Variants in TUNAR observed in about 807,000 individuals in gnomAD.
The protein encoded by TUNAR is protein TUNAR.
exon 3 of TUNAR, chr14:95,923,585 G>A (rs984334046): frequency 3.3e-5 from 5 of 152,010 alleles, no homozygotes; most frequent in African/African-American, 1.2e-4. Flanking sequence ...CCAAATACTT[G>A]GAGAGGCACT....
chr14:95,923,878 A>G (rs1870583299), exon 3 of TUNAR: 1 of 152,154 alleles, frequency 6.6e-6, no homozygotes, highest in African/African-American at 2.4e-5. Flanking sequence ...CAGACCTTAG[A>G]TGCACCCTAT....
At chr14:95,886,748 C>G (rs1889083913) in intron 2 of TUNAR, among the ~76,000 whole-genome samples, 1 of 152,228 alleles carries the variant, frequency 6.6e-6, no homozygotes, top group Non-Finnish European at 1.5e-5. Flanking sequence ...TGAAATCACT[C>G]TGGAGTCGGT....
intron 2 of TUNAR, among the ~76,000 whole-genome samples, chr14:95,883,680 G>A (rs903880007): frequency 6.6e-6 from 1 of 152,076 alleles, no homozygotes; most frequent in African/African-American, 2.4e-5. Flanking sequence ...GGGAGGCAGG[G>A]GGCCTTCTCT....
intron 2 of TUNAR, among the ~76,000 whole-genome samples, chr14:95,879,022 G>A (rs982019755): frequency 6.6e-6 from 1 of 152,132 alleles, no homozygotes; most frequent in Non-Finnish European, 1.5e-5. Context: ...TGCATTGTTT[G>A]CTGAGTATAT....
intron 2 of TUNAR, among the ~76,000 whole-genome samples, chr14:95,902,726 G>T (rs183967170): frequency 5.3e-5 from 8 of 152,240 alleles, no homozygotes; most frequent in Non-Finnish European, 1.2e-4. Context: ...TGCTTTCATC[G>T]TCTATTTGAA....
At chr14:95,901,580 C>A (rs1889354386) in intron 2 of TUNAR, among the ~76,000 whole-genome samples, 1 of 152,216 alleles carries the variant, frequency 6.6e-6, no homozygotes, top group South Asian at 2.1e-4. Flanking sequence ...TGGCGCCTAG[C>A]AGGGCCATCG....
intron 2 of TUNAR, among the ~76,000 whole-genome samples, chr14:95,890,184 C>T (rs990296107): frequency 3.3e-5 from 5 of 152,198 alleles, no homozygotes; most frequent in East Asian, 3.9e-4. Flanking sequence ...TCATGGAAAT[C>T]GAAGCAAGAA....
intron 2 of TUNAR, among the ~76,000 whole-genome samples, chr14:95,913,177 G>T (rs1185831215): frequency 6.8e-6 from 1 of 146,214 alleles, no homozygotes; most frequent in Non-Finnish European, 1.5e-5. Flanking sequence ...TCTAAGTTCT[G>T]GGATACACGT....
intron 2 of TUNAR, among the ~76,000 whole-genome samples, chr14:95,903,057 C>G (rs1889380560): frequency 6.6e-6 from 1 of 152,038 alleles, no homozygotes; most frequent in African/African-American, 2.4e-5. Context: ...ATCAGGTGGG[C>G]ATTGTTACTC....
chr14:95,884,660 A>G (rs1889043629), intron 2 of TUNAR, among the ~76,000 whole-genome samples: 1 of 152,206 alleles, frequency 6.6e-6, no homozygotes, highest in African/African-American at 2.4e-5. Context: ...GTTTCTGGAT[A>G]TAGACTGCAA....
chr14:95,908,992 G>A (rs1242196201), intron 2 of TUNAR, among the ~76,000 whole-genome samples: 2 of 152,174 alleles, frequency 1.3e-5, no homozygotes, highest in East Asian at 1.9e-4. Flanking sequence ...ACAGGCCTGC[G>A]TCTCATCTCT....
chr14:95,916,847 G>C (rs1889614118), intron 2 of TUNAR, among the ~76,000 whole-genome samples: 1 of 152,186 alleles, frequency 6.6e-6, no homozygotes, highest in Admixed American at 6.5e-5. Flanking sequence ...GTAGCTCACT[G>C]TGTTTCAATG....
chr14:95,891,883 A>G (rs1344274377), intron 2 of TUNAR, among the ~76,000 whole-genome samples: 1 of 152,058 alleles, frequency 6.6e-6, no homozygotes, highest in Non-Finnish European at 1.5e-5. Context: ...GTTGCCTGCA[A>G]TCCTTGGCAT....
At chr14:95,922,960 C>T (rs61734413) in exon 3 of TUNAR, 3 of 398,986 alleles carry the variant, frequency 7.5e-6, no homozygotes, top group Non-Finnish European at 1.3e-5. Context: ...TATACACCAC[C>T]CTGTGAATGG....
chr14:95,902,423 G>A (rs1259249472), intron 2 of TUNAR, among the ~76,000 whole-genome samples: 1 of 152,102 alleles, frequency 6.6e-6, no homozygotes, highest in African/African-American at 2.4e-5. Context: ...AGTCATGTTG[G>A]AAAAAAATCA....
chr14:95,889,600 G>A (rs1889138524), intron 2 of TUNAR, among the ~76,000 whole-genome samples: 1 of 152,186 alleles, frequency 6.6e-6, no homozygotes, highest in Admixed American at 6.5e-5. Flanking sequence ...GGAGCTGACT[G>A]CTCCCCGTAA....
chr14:95,884,156 G>A (rs566953466), intron 2 of TUNAR, among the ~76,000 whole-genome samples: 9 of 152,194 alleles, frequency 5.9e-5, no homozygotes, highest in South Asian at 2.1e-4. Flanking sequence ...TTTGTTTCCC[G>A]TATGGTAGCC....
intron 2 of TUNAR, among the ~76,000 whole-genome samples, chr14:95,899,587 G>A (rs2139661759): frequency 6.6e-6 from 1 of 152,284 alleles, no homozygotes; most frequent in African/African-American, 2.4e-5. Context: ...ATTTCTCACA[G>A]TTCTGGAAGC....
At chr14:95,920,935 A>G (rs1203783363) in intron 2 of TUNAR, among the ~76,000 whole-genome samples, 2 of 152,198 alleles carry the variant, frequency 1.3e-5, no homozygotes, top group African/African-American at 4.8e-5. Context: ...CCGCAGGATG[A>G]GTCAGCAAGC....
Sources: gnomAD v4.1 joint callset for allele counts (sites outside exome capture counted in the v4.1 genomes callset) on GRCh38, gnomAD v4.1.1 for gene constraint, MANE v1.5 for transcripts, NCBI Gene and HGNC (gene_info 2026-07-23, HGNC 2026-07-21) for gene names.